Variants in SHROOM4 observed in about 807,000 individuals in gnomAD.
The protein encoded by SHROOM4 is shroom family member 4.
SHROOM4 carries 17 observed loss-of-function variants against 80.3 expected under a neutral mutation model. The ratio of observed to expected loss-of-function variants is 0.21; its 90% CI spans 0.14 to 0.32. The LOEUF (loss-of-function observed/expected upper bound fraction) is 0.32, where lower values mean the gene tolerates loss of function less well. Ranked by LOEUF, SHROOM4 falls within the 10% of genes least tolerant of loss-of-function variation. SHROOM4 has a pLI of 1.00. For missense variants in SHROOM4, 993 were observed against 1,140.3 expected (o/e 0.87, Z 1.86); for synonymous variants, 400 against 437.5 (o/e 0.91, Z 1.07).
At chrX:50,647,587 A>G (rs1434726099) in intron 2 of SHROOM4, among the ~76,000 whole-genome samples, 1 of 111,932 alleles carries the variant, frequency 8.9e-6, no homozygotes, top group Non-Finnish European at 1.9e-5. Context: ...TCCCTTGGGA[A>G]AGAGGCTGTA....
rs782591424 is a variant in SHROOM4, at chrX:50,610,352, T to TCTCTCTCTCACACACACACA, written c.2958-2169_2958-2168insTGTGTGTGTGTGAGAGAGAG. ...GGCATATTCTCTCTCTCTCTCTCTC[T>TCTCTCTCTCACACACACACA]CACACACACACACACACACACACAC... On this transcript the variant is annotated intron_variant, in intron 5 of 8. Coordinates refer to ENST00000376020, the MANE Select transcript of SHROOM4 (RefSeq NM_020717.5). Among the ~76,000 whole-genome samples, 85 of 91,708 alleles carry TCTCTCTCTCACACACACACA rather than the reference T, an allele frequency of 9.3e-4. 1 individual carries two copies. The highest frequency in any genetic ancestry group is 3.7e-3 in the African/African-American group (81 of 21,869). 79.6% of individuals were successfully genotyped at this position (91,708 alleles called of 115,157 possible). A position where few individuals can be genotyped will look rare whatever the true frequency, so the allele number is the denominator to read the frequency against.
At chrX:50,610,008 G>T (rs1929882914) in intron 5 of SHROOM4, among the ~76,000 whole-genome samples, 1 of 111,242 alleles carries the variant, frequency 9.0e-6, no homozygotes. Context: ...TCAGCATCAT[G>T]CTAAGTCCTG....
intron 3 of SHROOM4, 59 bp downstream of exon 3, chrX:50,638,115 G>A: frequency 8.6e-7 from 1 of 1,161,364 alleles, no homozygotes; most frequent in East Asian, 3.1e-5. Context: ...AGCAGAGGAG[G>A]AGGAGTGTCC....
At chrX:50,730,330 G>A (rs1266279442) in intron 1 of SHROOM4, among the ~76,000 whole-genome samples, 11 of 111,001 alleles carry the variant, frequency 9.9e-5, no homozygotes, top group Non-Finnish European at 1.9e-4. Context: ...GGGAGGCTGA[G>A]GCAGGAGAAT....
intron 2 of SHROOM4, among the ~76,000 whole-genome samples, chrX:50,682,597 AG>A (rs1932967018): frequency 8.9e-6 from 1 of 111,774 alleles, no homozygotes; most frequent in Admixed American, 9.5e-5. Flanking sequence ...TGTTTATGGG[AG>A]GAAGCTTAAT....
intron 2 of SHROOM4, among the ~76,000 whole-genome samples, chrX:50,683,678 A>T (rs185135885): frequency 8.9e-6 from 1 of 111,877 alleles, no homozygotes; most frequent in Non-Finnish European, 1.9e-5. Context: ...AGCAGATTTT[A>T]TCAGGGTTTG....
At chrX:50,807,744 G>A (rs1211294891) in intron 1 of SHROOM4, among the ~76,000 whole-genome samples, 1 of 111,155 alleles carries the variant, frequency 9.0e-6, no homozygotes, top group South Asian at 3.8e-4. Flanking sequence ...TAGGGGCAGA[G>A]GCAATTCTAA....
At chrX:50,694,713 G>A (rs1933324206) in intron 2 of SHROOM4, among the ~76,000 whole-genome samples, 2 of 108,342 alleles carry the variant, frequency 1.8e-5, no homozygotes, top group Non-Finnish European at 3.8e-5. Flanking sequence ...GCAATAATTT[G>A]TAGCTTTTGA....
rs201433269 is a variant in SHROOM4 at position 50,698,421 on chromosome X, TG to T, written c.118-2485del. ...AAATAATCCTACTTTAGTGCAAGTC[TG>T]AAGATGCTCAGACAAAAAGCCAGCA... is the stretch of plus-strand genomic sequence containing the variant. On this transcript the variant is annotated intron_variant, in intron 1 of 8. Coordinates refer to ENST00000376020, the MANE Select transcript of SHROOM4 (RefSeq NM_020717.5). Among the ~76,000 whole-genome samples, 88 of 111,515 alleles carry T rather than the reference TG, an allele frequency of 7.9e-4. No individual in the cohort carries two copies. In the East Asian group the frequency reaches 0.024, roughly 31 times the overall value.
At chrX:50,738,548 G>A (rs1557266914) in intron 1 of SHROOM4, among the ~76,000 whole-genome samples, 1 of 111,141 alleles carries the variant, frequency 9.0e-6, no homozygotes. Context: ...GACAAACAGA[G>A]AGCCAAATCA....
chrX:50,652,452 T>C (rs1557259008), intron 2 of SHROOM4, among the ~76,000 whole-genome samples: 10 of 112,096 alleles, frequency 8.9e-5, no homozygotes. Flanking sequence ...TTTAAGTTCC[T>C]TGTAGATTCT....
intron 2 of SHROOM4, among the ~76,000 whole-genome samples, chrX:50,693,168 C>G (rs1309028526): frequency 9.0e-6 from 1 of 111,174 alleles, no homozygotes; most frequent in Non-Finnish European, 1.9e-5. Flanking sequence ...ATGGGAAACA[C>G]CAACATTTAA....
At chrX:50,695,667 A>G in intron 2 of SHROOM4, 119 bp downstream of exon 2, 2 of 864,790 alleles carry the variant, frequency 2.3e-6, no homozygotes, top group Non-Finnish European at 3.4e-6. Flanking sequence ...GCAAAATTCT[A>G]TTCAAGTGAA....
the SHROOM4 span, among the ~76,000 whole-genome samples, chrX:50,580,628 T>A: frequency 1.8e-5 from 2 of 111,851 alleles, no homozygotes; most frequent in East Asian, 2.8e-4. Flanking sequence ...CCATGGTATA[T>A]GTAACAATTC....
At chrX:50,643,304 C>T (rs1220050078) in intron 2 of SHROOM4, 1 of 111,856 alleles carries the variant, frequency 8.9e-6, no homozygotes, top group East Asian at 2.8e-4. Flanking sequence ...CTGGCTGTAC[C>T]TACCATGGAA....
intron 1 of SHROOM4, among the ~76,000 whole-genome samples, chrX:50,805,856 C>A (rs186571304): frequency 6.3e-5 from 7 of 111,120 alleles, no homozygotes; most frequent in African/African-American, 2.0e-4. Flanking sequence ...GAGGAAATTT[C>A]CCTCTGATTC....
chrX:50,656,042 C>T (rs138531889), intron 2 of SHROOM4, among the ~76,000 whole-genome samples: 1,146 of 111,447 alleles, frequency 0.01, 16 homozygotes, highest in African/African-American at 0.036. Flanking sequence ...TACCTGTTGA[C>T]CATTTATATA....
intron 1 of SHROOM4, among the ~76,000 whole-genome samples, chrX:50,809,628 C>T (rs1156358986): frequency 1.8e-5 from 2 of 112,087 alleles, no homozygotes; most frequent in African/African-American, 3.3e-5. Flanking sequence ...GGGAGTAAAG[C>T]TTCTTTCTCC....
intron 1 of SHROOM4, among the ~76,000 whole-genome samples, chrX:50,740,579 A>G (rs1405262618): frequency 8.9e-6 from 1 of 111,810 alleles, no homozygotes; most frequent in Non-Finnish European, 1.9e-5. Flanking sequence ...TACTTGAACA[A>G]CAGTCTTGAC....
Sources: allele counts gnomAD v4.1 joint callset (sites outside exome capture counted in the v4.1 genomes callset), GRCh38; gene constraint gnomAD v4.1.1; transcripts MANE v1.5; gene names NCBI Gene and HGNC (gene_info 2026-07-23, HGNC 2026-07-21).